Variants in SRPK2 observed in about 807,000 individuals in gnomAD.
SRPK2 encodes the protein SRSF protein kinase 2.
Under a neutral mutation model 90.8 loss-of-function variants are expected in SRPK2, and 21 were observed. That is an observed-to-expected ratio of 0.23 (90% confidence interval 0.16 to 0.33). The LOEUF is 0.33. Among genes scored for constraint, SRPK2 ranks in the 10% least tolerant of loss-of-function variants. SRPK2 has a pLI of 1.00. For missense variants in SRPK2, 620 were observed against 869.0 expected, an observed-to-expected ratio of 0.71 and a Z score of 3.60; for synonymous variants, 288 against 311.1, an observed-to-expected ratio of 0.93 and a Z score of 0.78.
At position 105,209,494 on chromosome 7, in the gene SRPK2, T is replaced by C. The variant is rs141610847; in HGVS notation, c.72-5709A>G. On this transcript the variant is annotated intron_variant, in intron 2 of 15. Coordinates refer to ENST00000393651, the MANE Select transcript of SRPK2 (RefSeq NM_182692.3). ...GCGAGTCTGCAATGAGCTAAGATCA[T>C]AGCACTGCACTCCAGCCTGCATGAC... 3.2e-3 allele frequency among the ~76,000 whole-genome samples: 481 copies of C among 150,636 alleles called. 15 individuals carry two copies. The East Asian group carries it at 0.064, about 20-fold the overall frequency.
intron 2 of SRPK2, among the ~76,000 whole-genome samples, chr7:105,306,984 T>A (rs1266280825): frequency 1.3e-5 from 2 of 152,198 alleles, no homozygotes; most frequent in East Asian, 3.9e-4. Flanking sequence ...TCCTCTTATT[T>A]TATAACTCTG....
chr7:105,334,683 CA>C (rs1814853267), intron 2 of SRPK2, among the ~76,000 whole-genome samples: 1 of 150,374 alleles, frequency 6.7e-6, no homozygotes, highest in Non-Finnish European at 1.5e-5. Context: ...ACTAAAAATG[CA>C]AAAAAATTAG....
At chr7:105,379,645 T>C (rs1361967657) in intron 2 of SRPK2, among the ~76,000 whole-genome samples, 1 of 152,084 alleles carries the variant, frequency 6.6e-6, no homozygotes, top group Non-Finnish European at 1.5e-5. Flanking sequence ...TACAGGGGTA[T>C]AAATAAATGT....
chr7:105,186,242 T>G (rs973230116), intron 3 of SRPK2, among the ~76,000 whole-genome samples: 1 of 152,212 alleles, frequency 6.6e-6, no homozygotes, highest in Non-Finnish European at 1.5e-5. Context: ...AGGTTTGTTA[T>G]GTGTATATAT....
In SRPK2 at chr7:105,142,477, G is replaced by T; in HGVS notation, c.1074C>A (p.Asp358Glu). ...ETAKDNGEAE[D>E]QEEKEDAEKE... ...TCTCAGCATCTTCTTTCTCTTCCTG[G>T]TCCTCAGCTTCACCTTAAGAATTTG... Residue 358 changes from aspartate (D) to glutamate (E), a missense_variant, in exon 11 of 16, where the codon GAC becomes GAA. Asp to Glu is a conservative substitution (Grantham distance 45). Coordinates refer to ENST00000393651, the MANE Select transcript of SRPK2 (RefSeq NM_182692.3). The T allele has an allele frequency of 6.2e-7, 1 of 1,608,536 alleles. No individual in the cohort carries two copies. Among genetic ancestry groups the T allele is most frequent in the East Asian group, 2.2e-5 (1 of 44,854 alleles).
At chr7:105,253,216 C>A (rs891523772) in intron 2 of SRPK2, among the ~76,000 whole-genome samples, 2 of 152,232 alleles carry the variant, frequency 1.3e-5, no homozygotes, top group Admixed American at 6.5e-5. Flanking sequence ...TTCATCCACT[C>A]TCTGTCACTC....
At chr7:105,312,187 A>G (rs1811778831) in intron 2 of SRPK2, among the ~76,000 whole-genome samples, 1 of 152,238 alleles carries the variant, frequency 6.6e-6, no homozygotes, top group Admixed American at 6.5e-5. Flanking sequence ...CACGCCTGTA[A>G]TCCCAGAACT....
At chr7:105,337,582 T>C (rs548809763) in intron 2 of SRPK2, among the ~76,000 whole-genome samples, 24 of 152,186 alleles carry the variant, frequency 1.6e-4, no homozygotes, top group Admixed American at 1.3e-3. Context: ...CCCAAAGTGC[T>C]AGGATTACAG....
At chr7:105,250,066 C>A (rs1194555274) in intron 2 of SRPK2, among the ~76,000 whole-genome samples, 1 of 152,180 alleles carries the variant, frequency 6.6e-6, no homozygotes, top group Admixed American at 6.5e-5. Context: ...CACAGTGGCT[C>A]ACGCCTATAA....
chr7:105,363,993 A>G (rs1017041633), intron 2 of SRPK2, among the ~76,000 whole-genome samples: 1 of 144,122 alleles, frequency 6.9e-6, no homozygotes, highest in Admixed American at 6.9e-5. Flanking sequence ...ATGAGAACAC[A>G]TGGACACAGG....
intron 2 of SRPK2, chr7:105,298,633 A>G: frequency 1.3e-6 from 1 of 776,218 alleles, no homozygotes; most frequent in Non-Finnish European, 1.6e-6. Flanking sequence ...AAAAGCAAAC[A>G]AAAGTATCAA....
chr7:105,374,379 T>G (rs904672245), intron 2 of SRPK2, among the ~76,000 whole-genome samples: 3 of 152,212 alleles, frequency 2.0e-5, no homozygotes, highest in Non-Finnish European at 4.4e-5. Flanking sequence ...TTTTCCAAAA[T>G]TTAAGAGCCT....
chr7:105,251,185 T>C (rs1196638054), intron 2 of SRPK2, among the ~76,000 whole-genome samples: 1 of 152,176 alleles, frequency 6.6e-6, no homozygotes. Context: ...ATACACCTTT[T>C]CCTTCAACAA....
At chr7:105,369,411 G>A (rs548564399) in intron 2 of SRPK2, among the ~76,000 whole-genome samples, 1 of 152,096 alleles carries the variant, frequency 6.6e-6, no homozygotes, top group East Asian at 1.9e-4. Flanking sequence ...GCCTCTCAAA[G>A]TGTTGAGAAT....
intron 2 of SRPK2, among the ~76,000 whole-genome samples, chr7:105,246,625 T>C (rs1166024320): frequency 2.6e-5 from 4 of 152,234 alleles, no homozygotes. Context: ...GGCCAACATT[T>C]AGATAAAACC....
chr7:105,199,704 T>C (rs1795313835), intron 3 of SRPK2, among the ~76,000 whole-genome samples: 1 of 152,122 alleles, frequency 6.6e-6, no homozygotes, highest in South Asian at 2.1e-4. Flanking sequence ...AATCTTCTGG[T>C]ATTAGAGGTA....
At chr7:105,371,586 CA>C (rs66731193) in intron 2 of SRPK2, among the ~76,000 whole-genome samples, 18,356 of 106,320 alleles carry the variant, frequency 0.17, 1,340 homozygotes, top group East Asian at 0.49. Context: ...CCCATCTCTA[CA>C]AAAAAAAAAA....
chr7:105,201,458 T>A (rs945284904), intron 3 of SRPK2, among the ~76,000 whole-genome samples: 1 of 152,090 alleles, frequency 6.6e-6, no homozygotes, highest in Non-Finnish European at 1.5e-5. Flanking sequence ...GGTTTGGATG[T>A]CCACTGTGCT....
Position 105,170,924 on chromosome 7 carries a change from A to AAG in SRPK2, c.230-1660_230-1659insCT, listed in dbSNP as rs1790927552. On this transcript the variant is annotated intron_variant, in intron 3 of 15. Transcript: ENST00000393651. ...GAAAGAAAGAAAGAAAGGAGAAAGA[A>AAG]AAAGAAAAAGGAAAGAAAGAAAGAA... Among the ~76,000 whole-genome samples the AAG allele has an allele frequency of 2.7e-3, 292 of 109,144 alleles. 7 individuals carry two copies. Among genetic ancestry groups the AAG allele is most frequent in the Middle Eastern group, 8.9e-3 (2 of 224 alleles). The allele number at this position is 109,144 out of a possible 152,430, so 71.6% of individuals were successfully genotyped here.
Sources: allele counts gnomAD v4.1 joint callset (sites outside exome capture counted in the v4.1 genomes callset), GRCh38; gene constraint gnomAD v4.1.1; transcripts MANE v1.5; gene names NCBI Gene and HGNC (gene_info 2026-07-23, HGNC 2026-07-21).